The following NEGR1 variants were observed in gnomAD, a reference collection of about 807,000 sequenced individuals.
NEGR1 encodes IgLON family member 4.
Under a neutral mutation model 40.9 loss-of-function variants are expected in NEGR1, and 10 were observed. The ratio of observed to expected loss-of-function variants is 0.24; its 90% CI spans 0.15 to 0.42. NEGR1 has a LOEUF of 0.42. Ranked by LOEUF, NEGR1 falls within the 10% of genes least tolerant of loss-of-function variation. The pLI, the probability that NEGR1 is intolerant of heterozygous loss-of-function variation, is 1.00. For synonymous variants in NEGR1, 185 were observed against 166.8 expected, an observed-to-expected ratio of 1.11 and a Z score of -0.84; for missense variants, 352 against 438.9, an observed-to-expected ratio of 0.80 and a Z score of 1.77.
intron 1 of NEGR1, among the ~76,000 whole-genome samples, chr1:72,207,434 A>T (rs1653451109): frequency 6.6e-6 from 1 of 151,860 alleles, no homozygotes; most frequent in Admixed American, 6.6e-5. Context: ...CTTTTTATAT[A>T]TAGAAAGAAT....
At chr1:72,197,900 A>G (rs1056556243) in intron 1 of NEGR1, among the ~76,000 whole-genome samples, 3 of 152,068 alleles carry the variant, frequency 2.0e-5, no homozygotes, top group Admixed American at 6.6e-5. Context: ...TTTCGGATGA[A>G]CCCAATTAAA....
At chr1:71,732,748 C>T (rs1337212285) in intron 3 of NEGR1, among the ~76,000 whole-genome samples, 1 of 152,040 alleles carries the variant, frequency 6.6e-6, no homozygotes, top group African/African-American at 2.4e-5. Flanking sequence ...TCAATTTTCT[C>T]TTTATGCTAT....
intron 6 of NEGR1, among the ~76,000 whole-genome samples, chr1:71,542,896 T>C (rs1037843139): frequency 3.3e-5 from 5 of 151,642 alleles, no homozygotes; most frequent in African/African-American, 1.2e-4. Context: ...TTGGAAAAAA[T>C]TGCCACTCTC....
chr1:72,210,790 G>A (rs1176214721), intron 1 of NEGR1, among the ~76,000 whole-genome samples: 1 of 151,780 alleles, frequency 6.6e-6, no homozygotes, highest in African/African-American at 2.4e-5. Flanking sequence ...GGTGAAAGAT[G>A]TATTCAAAGT....
chr1:71,498,541 T>C (rs896657178), intron 6 of NEGR1, among the ~76,000 whole-genome samples: 1 of 152,146 alleles, frequency 6.6e-6, no homozygotes, highest in South Asian at 2.1e-4. Context: ...TGCAGCTCCA[T>C]CCTGCAATTC....
chr1:71,756,616 T>G (rs1655751457), intron 3 of NEGR1, among the ~76,000 whole-genome samples: 1 of 152,118 alleles, frequency 6.6e-6, no homozygotes, highest in Non-Finnish European at 1.5e-5. Flanking sequence ...AGTTCTTTCC[T>G]TCTCTTCAAC....
chr1:71,848,276 G>A (rs979650085), intron 2 of NEGR1, among the ~76,000 whole-genome samples: 4 of 152,162 alleles, frequency 2.6e-5, no homozygotes, highest in South Asian at 2.1e-4. Context: ...AAATAACATC[G>A]TTGATGGAGA....
chr1:71,987,659 T>C (rs1646407386), intron 1 of NEGR1, among the ~76,000 whole-genome samples: 1 of 152,192 alleles, frequency 6.6e-6, no homozygotes, highest in African/African-American at 2.4e-5. Flanking sequence ...CCCACAGCAT[T>C]TCAGCTACCA....
chr1:72,281,962 A>C (rs1252214173), intron 1 of NEGR1, among the ~76,000 whole-genome samples: 1 of 152,100 alleles, frequency 6.6e-6, no homozygotes, highest in Non-Finnish European at 1.5e-5. Context: ...ATAGAAACAA[A>C]CCTGATAAAC....
intron 1 of NEGR1, among the ~76,000 whole-genome samples, chr1:71,972,729 A>G (rs553184544): frequency 1.3e-5 from 2 of 152,050 alleles, no homozygotes; most frequent in Non-Finnish European, 2.9e-5. Flanking sequence ...TGAAATTTCT[A>G]TTTATTTTGA....
chr1:71,902,719 A>C (rs1028423566), intron 2 of NEGR1, among the ~76,000 whole-genome samples: 4 of 152,164 alleles, frequency 2.6e-5, no homozygotes, highest in African/African-American at 9.6e-5. Context: ...TAAGGTCACC[A>C]CAAGTTGAAT....
chr1:71,955,542 T>C (rs933775479), intron 1 of NEGR1, among the ~76,000 whole-genome samples: 22 of 152,174 alleles, frequency 1.4e-4, no homozygotes, highest in African/African-American at 4.8e-4. Context: ...TTTTCTCTTA[T>C]ACACTCATTT....
chr1:72,218,724 A>C (rs1653910234), intron 1 of NEGR1, among the ~76,000 whole-genome samples: 1 of 152,062 alleles, frequency 6.6e-6, no homozygotes, highest in Non-Finnish European at 1.5e-5. Context: ...ATGAAAAGAA[A>C]AATATTAAAA....
At chr1:71,568,448 G>A (rs1410324762) in intron 6 of NEGR1, among the ~76,000 whole-genome samples, 1 of 152,140 alleles carries the variant, frequency 6.6e-6, no homozygotes, top group Non-Finnish European at 1.5e-5. Context: ...AGTCCCTGAG[G>A]ACCTTGGAGG....
intron 2 of NEGR1, among the ~76,000 whole-genome samples, chr1:71,828,856 A>C (rs1339723733): frequency 6.6e-6 from 1 of 151,926 alleles, no homozygotes; most frequent in Non-Finnish European, 1.5e-5. Context: ...TTTTCCTCCC[A>C]ATCAATGCAC....
intron 1 of NEGR1, among the ~76,000 whole-genome samples, chr1:72,140,624 C>A (rs964500982): frequency 6.6e-6 from 1 of 152,008 alleles, no homozygotes; most frequent in Non-Finnish European, 1.5e-5. Context: ...ATATTCAAAC[C>A]ATGCAAAGTA....
At chr1:71,736,593 C>T (rs943085207) in intron 3 of NEGR1, among the ~76,000 whole-genome samples, 1 of 152,138 alleles carries the variant, frequency 6.6e-6, no homozygotes, top group South Asian at 2.1e-4. Flanking sequence ...GCAAAAGCTG[C>T]CACCTTTCAG....
chr1:71,913,772 C>T (rs1661489463), intron 2 of NEGR1, among the ~76,000 whole-genome samples: 1 of 151,642 alleles, frequency 6.6e-6, no homozygotes, highest in Admixed American at 6.6e-5. Flanking sequence ...AACAGAGCTT[C>T]CATTTCTGAA....
intron 4 of NEGR1, among the ~76,000 whole-genome samples, chr1:71,654,387 C>T (rs1348227197): frequency 6.6e-6 from 1 of 152,154 alleles, no homozygotes; most frequent in East Asian, 1.9e-4. Flanking sequence ...AAATATACTA[C>T]ATGAAGACAA....
Sources: allele counts gnomAD v4.1 joint callset (sites outside exome capture counted in the v4.1 genomes callset), GRCh38; gene constraint gnomAD v4.1.1; transcripts MANE v1.5; gene names NCBI Gene and HGNC (gene_info 2026-07-23, HGNC 2026-07-21).